The following MBP variants were observed in gnomAD, a reference collection of about 807,000 sequenced individuals.
MBP encodes the protein myelin basic protein.
In MBP, 16 loss-of-function variants were observed where a neutral mutation model predicts 35.8. The ratio of observed to expected loss-of-function variants is 0.45; its 90% CI spans 0.30 to 0.68. The LOEUF (loss-of-function observed/expected upper bound fraction) is 0.68, where lower values mean the gene tolerates loss of function less well. MBP is among the 30% of genes least tolerant of loss of function. The pLI is 0.08. For missense variants in MBP, 380 were observed against 404.7 expected (o/e 0.94, Z 0.52); for synonymous variants, 143 against 159.6 (o/e 0.90, Z 0.78).
chr18:77,012,890 G>A, intron 4 of MBP: 1 of 985,430 alleles, frequency 1.0e-6, no homozygotes, highest in Non-Finnish European at 1.2e-6. Context: ...AACCACCACA[G>A]GCAATTACCA....
intron 4 of MBP, among the ~76,000 whole-genome samples, chr18:76,992,088 A>G (rs559914819): frequency 1.8e-4 from 27 of 152,256 alleles, no homozygotes; most frequent in African/African-American, 6.5e-4. Flanking sequence ...TCAGGTCTGA[A>G]GTTTTGCTGG....
At chr18:77,055,168 T>C (rs1335033596) in intron 3 of MBP, among the ~76,000 whole-genome samples, 1 of 152,176 alleles carries the variant, frequency 6.6e-6, no homozygotes, top group Non-Finnish European at 1.5e-5. Flanking sequence ...TACCACCTTC[T>C]GTGGTAGAGA....
chr18:77,077,198 T>C (rs1974691132), intron 2 of MBP, among the ~76,000 whole-genome samples: 1 of 151,440 alleles, frequency 6.6e-6, no homozygotes, highest in Non-Finnish European at 1.5e-5. Flanking sequence ...CTGTCACTAC[T>C]AAAAATACAA....
chr18:77,066,559 G>T (rs7241461), intron 2 of MBP, 174 bp from the exon 3 acceptor site: 365,406 of 761,508 alleles, frequency 0.48, 88,930 homozygotes, highest in East Asian at 0.6. Context: ...CGCAGGATTC[G>T]GAATTCTGGC....
At chr18:77,048,912 T>C (rs1317646436) in intron 3 of MBP, among the ~76,000 whole-genome samples, 2 of 151,228 alleles carry the variant, frequency 1.3e-5, no homozygotes, top group African/African-American at 4.9e-5. Context: ...AGGGCAGGGT[T>C]TTTTTTTAAT....
At chr18:76,993,989 C>T (rs1241922417) in intron 4 of MBP, among the ~76,000 whole-genome samples, 1 of 152,224 alleles carries the variant, frequency 6.6e-6, no homozygotes, top group African/African-American at 2.4e-5. Flanking sequence ...TCTGATTCTC[C>T]TTGTGTCATG....
chr18:77,086,490 A>G (rs1397175787), intron 2 of MBP, among the ~76,000 whole-genome samples: 2 of 152,232 alleles, frequency 1.3e-5, no homozygotes, highest in African/African-American at 2.4e-5. Context: ...AAGTTAGAAT[A>G]TGGTTACACG....
chr18:77,032,436 A>G (rs1385441378), intron 3 of MBP, among the ~76,000 whole-genome samples: 1 of 152,124 alleles, frequency 6.6e-6, no homozygotes, highest in African/African-American at 2.4e-5. Flanking sequence ...CAGAACATAT[A>G]GTTTTTATTT....
chr18:77,009,713 G>C, intron 4 of MBP: 1 of 734,704 alleles, frequency 1.4e-6, no homozygotes, highest in Non-Finnish European at 2.2e-6. Context: ...CTGCTTTCAC[G>C]GCCTCACAGA....
chr18:77,048,624 C>G (rs470567), intron 3 of MBP, among the ~76,000 whole-genome samples: 1 of 151,952 alleles, frequency 6.6e-6, no homozygotes. Context: ...CCACCACGGC[C>G]GGCTAATTTT....
chr18:77,073,049 A>G (rs1037760281), intron 2 of MBP, among the ~76,000 whole-genome samples: 13 of 152,190 alleles, frequency 8.5e-5, no homozygotes, highest in African/African-American at 2.9e-4. Flanking sequence ...TAGGATTTCT[A>G]ATGAAACTTT....
chr18:76,980,533 C>CA, intron 8 of MBP, 62 bp from the exon 9 acceptor site: 1 of 1,326,812 alleles, frequency 7.5e-7, no homozygotes, highest in Non-Finnish European at 1.1e-6. Flanking sequence ...CACCAGCATC[C>CA]CCTCTTCTGT....
At chr18:77,107,654 C>T (rs1039522354) in intron 1 of MBP, among the ~76,000 whole-genome samples, 17 of 152,256 alleles carry the variant, frequency 1.1e-4, no homozygotes, top group Admixed American at 5.9e-4. Flanking sequence ...ATGTTTCTTC[C>T]GAATCAGTTT....
intron 3 of MBP, among the ~76,000 whole-genome samples, chr18:77,029,093 C>T (rs1972416033): frequency 1.0e-5 from 1 of 99,366 alleles, no homozygotes; most frequent in Admixed American, 1.1e-4. Flanking sequence ...GAGCCGAGAT[C>T]TCGCCACTGC....
At chr18:77,005,727 C>G (rs1970928989) in intron 4 of MBP, 1 of 152,578 alleles carries the variant, frequency 6.6e-6, no homozygotes. Context: ...AAAGCTACAG[C>G]CTTGAGGGGC....
chr18:77,068,218 T>C (rs2144818411), intron 2 of MBP, among the ~76,000 whole-genome samples: 1 of 152,334 alleles, frequency 6.6e-6, no homozygotes, highest in Admixed American at 6.5e-5. Context: ...GAATTTGCCT[T>C]CACGTTGTGA....
intron 2 of MBP, among the ~76,000 whole-genome samples, chr18:77,091,523 C>T (rs779997359): frequency 3.3e-5 from 5 of 151,968 alleles, no homozygotes; most frequent in Non-Finnish European, 2.9e-5. Flanking sequence ...GGGCTGAGTG[C>T]GGGAAGAGGC....
At chr18:77,046,582 C>T (rs1446393051) in intron 3 of MBP, among the ~76,000 whole-genome samples, 1 of 152,254 alleles carries the variant, frequency 6.6e-6, no homozygotes, top group African/African-American at 2.4e-5. Context: ...TTCCCTGCAC[C>T]TCTGGTCTGG....
At chr18:77,129,470 C>T (rs1375787665) in intron 1 of MBP, among the ~76,000 whole-genome samples, 3 of 152,222 alleles carry the variant, frequency 2.0e-5, no homozygotes, top group Non-Finnish European at 4.4e-5. Context: ...TCTGCATAAG[C>T]CATTCCTTGC....
Sources: gnomAD v4.1 joint callset for allele counts (sites outside exome capture counted in the v4.1 genomes callset) on GRCh38, gnomAD v4.1.1 for gene constraint, MANE v1.5 for transcripts, NCBI Gene and HGNC (gene_info 2026-07-23, HGNC 2026-07-21) for gene names.